Variants in QKI observed in about 807,000 individuals in gnomAD.
QKI encodes the protein KH domain-containing RNA-binding protein QKI.
Under a neutral mutation model 39.0 loss-of-function variants are expected in QKI, and 10 were observed. That is an observed-to-expected ratio of 0.26 (90% confidence interval 0.16 to 0.43). The LOEUF is 0.43. QKI is among the 20% of genes least tolerant of loss of function. The probability of loss-of-function intolerance (pLI) is 1.00; values close to 1 mark genes in which losing one functional copy is unlikely to be tolerated. For missense variants in QKI, 218 were observed against 428.0 expected (o/e 0.51, Z 4.33); for synonymous variants, 204 against 155.4 (o/e 1.31, Z -2.33).
chr6:163,516,124 A>G (rs2128236283), intron 3 of QKI, among the ~76,000 whole-genome samples: 1 of 152,220 alleles, frequency 6.6e-6, no homozygotes, highest in Non-Finnish European at 1.5e-5. Flanking sequence ...TGGGTCCTTC[A>G]TTAATGTCTT....
intron 2 of QKI, among the ~76,000 whole-genome samples, chr6:163,471,740 A>G (rs1022033943): frequency 6.6e-6 from 1 of 152,128 alleles, no homozygotes; most frequent in Non-Finnish European, 1.5e-5. Flanking sequence ...AAAAGAAAAT[A>G]AGTAGAGGAC....
chr6:163,418,762 T>C (rs1787756535), intron 1 of QKI, among the ~76,000 whole-genome samples: 1 of 152,182 alleles, frequency 6.6e-6, no homozygotes, highest in Non-Finnish European at 1.5e-5. Flanking sequence ...AAAACAGACT[T>C]TTCTTGTCAT....
At chr6:163,446,818 G>T (rs866646377) in intron 1 of QKI, among the ~76,000 whole-genome samples, 1 of 152,094 alleles carries the variant, frequency 6.6e-6, no homozygotes, top group Admixed American at 6.6e-5. Context: ...GCTCTGTTCT[G>T]TTCTTTTCAG....
chr6:163,451,727 G>C (rs1790575669), intron 1 of QKI, among the ~76,000 whole-genome samples: 2 of 152,194 alleles, frequency 1.3e-5, no homozygotes, highest in Non-Finnish European at 2.9e-5. Context: ...GTTGAAGGTA[G>C]TGCAGTTGGT....
Position 163,482,990 on chromosome 6 carries a change from G to A in QKI, c.402+4094G>A, listed in dbSNP as rs6936633. On this transcript the variant is annotated intron_variant, in intron 3 of 7. Transcript: ENST00000361752. ...AGCCTTGATCTTGAGACTATCCAGG[G>A]CCCCCACCCATTTGTCACTTCATTA... 3.5e-3 allele frequency among the ~76,000 whole-genome samples: 527 copies of A among 152,086 alleles called. 5 individuals are homozygous for A. The highest frequency in any genetic ancestry group is 0.012 in the African/African-American group (495 of 41,484).
At chr6:163,492,834 C>T (rs1203700434) in intron 3 of QKI, among the ~76,000 whole-genome samples, 1 of 152,042 alleles carries the variant, frequency 6.6e-6, no homozygotes, top group Admixed American at 6.6e-5. Flanking sequence ...AGTGTTACAA[C>T]AGCACATTGT....
In QKI at chr6:163,547,924, T is replaced by C. The variant is rs73784466; in HGVS notation, c.546+12799T>C. ...TCAGTGACTTTCTATCACCCCATGG[T>C]AAAAATGTATGGCATTCATAGCTTA... is the stretch of plus-strand genomic sequence containing the variant. On this transcript the variant is annotated intron_variant, in intron 4 of 7. Transcript: ENST00000361752. 3.4e-3 allele frequency among the ~76,000 whole-genome samples: 516 copies of C among 152,282 alleles called. 4 individuals carry two copies. Among genetic ancestry groups the C allele is most frequent in the African/African-American group, 0.012 (485 of 41,560 alleles).
intron 1 of QKI, among the ~76,000 whole-genome samples, chr6:163,453,107 T>C (rs865974443): frequency 2.2e-4 from 34 of 152,050 alleles, no homozygotes; most frequent in South Asian, 8.3e-4. Context: ...TTTTTTTTTT[T>C]CTAAGTTTGA....
At chr6:163,516,506 G>T (rs896282789) in intron 3 of QKI, among the ~76,000 whole-genome samples, 1 of 152,090 alleles carries the variant, frequency 6.6e-6, no homozygotes, top group Non-Finnish European at 1.5e-5. Context: ...TGTTGGCCAG[G>T]ATGGTCTTGA....
chr6:163,434,586 G>A lies in QKI; in HGVS notation c.142+19251G>A, dbSNP rs531942188. Among the ~76,000 whole-genome samples, 389 of 151,956 alleles carry A rather than the reference G, an allele frequency of 2.6e-3. 3 individuals carry two copies. Among genetic ancestry groups the A allele is most frequent in the African/African-American group, 9.0e-3 (373 of 41,442 alleles). ...AAAAATTAGCCGGGCGTGGTGGTGG[G>A]CGCCTGTAATCCCAGCTACTTGGGA... On this transcript the variant is annotated intron_variant, in intron 1 of 7. Transcript: ENST00000361752.
chr6:163,459,727 T>G (rs972243495), intron 2 of QKI, among the ~76,000 whole-genome samples: 1 of 152,170 alleles, frequency 6.6e-6, no homozygotes, highest in Non-Finnish European at 1.5e-5. Context: ...ACTCTGTGGT[T>G]TTTGTGATTA....
intron 2 of QKI, chr6:163,457,426 T>C: frequency 1.1e-5 from 5 of 456,020 alleles, no homozygotes; most frequent in African/African-American, 4.0e-5. Context: ...ACTGGTGTGT[T>C]GGAGCATGGC....
rs1219962380 is a variant in QKI at position 163,575,926 on chromosome 6, T to G, written c.*5216T>G. 2 of 152,166 alleles carry G rather than the reference T, an allele frequency of 1.3e-5. No homozygotes were observed. The highest frequency in any genetic ancestry group is 1.3e-4 in the Admixed American group (2 of 15,268). 9.4% of individuals were successfully genotyped at this position (152,166 alleles called of 1,614,324 possible). A position where few individuals can be genotyped will look rare whatever the true frequency, so the allele number is the denominator to read the frequency against. On this transcript the variant is annotated 3_prime_UTR_variant, in exon 8 of 8. Transcript: ENST00000361752. ...ACCAGGATGTGATGCCTGTCTTTAT[T>G]CCTTGATAAGAAGTAGCTGTTACAG...
intron 2 of QKI, among the ~76,000 whole-genome samples, chr6:163,457,164 CT>C (rs1403376402): frequency 6.6e-6 from 1 of 152,138 alleles, no homozygotes. Context: ...GATAATGTTT[CT>C]GCAGTGGGCA....
chr6:163,503,733 G>GT lies in QKI; in HGVS notation c.402+24845dup, dbSNP rs541592844. On this transcript the variant is annotated intron_variant, in intron 3 of 7. Coordinates refer to ENST00000361752, the MANE Select transcript of QKI (RefSeq NM_006775.3). Reference sequence around the variant, plus strand: ...ATTTTAATCTTTAATCTGTTTTGAGGTTTTTTTTAAACTGTTATTTTTTGG... The same window carrying GT: ...ATTTTAATCTTTAATCTGTTTTGAGGTTTTTTTTTAAACTGTTATTTTTTGG... 3.2e-3 allele frequency among the ~76,000 whole-genome samples: 490 copies of GT among 151,534 alleles called. 5 individuals are homozygous for GT. Among genetic ancestry groups the GT allele is most frequent in the Non-Finnish European group, 5.9e-3 (402 of 67,802 alleles).
At chr6:163,430,508 T>C (rs1788739582) in intron 1 of QKI, among the ~76,000 whole-genome samples, 1 of 152,146 alleles carries the variant, frequency 6.6e-6, no homozygotes, top group Admixed American at 6.6e-5. Context: ...TGTGTTTCAG[T>C]TTTTTTCTGT....
chr6:163,479,702 G>A (rs1389522365), intron 3 of QKI, among the ~76,000 whole-genome samples: 3 of 152,168 alleles, frequency 2.0e-5, no homozygotes, highest in African/African-American at 7.2e-5. Flanking sequence ...TTTTTACTTA[G>A]CAAATTAAAA....
chr6:163,495,417 A>G (rs1004735242), intron 3 of QKI, among the ~76,000 whole-genome samples: 1 of 152,110 alleles, frequency 6.6e-6, no homozygotes, highest in African/African-American at 2.4e-5. Context: ...GTCTGTATGT[A>G]TGTACATATA....
intron 1 of QKI, among the ~76,000 whole-genome samples, chr6:163,424,319 ACT>A (rs796272063): frequency 7.2e-4 from 110 of 152,238 alleles, no homozygotes; most frequent in African/African-American, 2.6e-3. Context: ...TCAAGTTTTA[ACT>A]CTGTATGTGT....
Sources: gnomAD v4.1 joint callset for allele counts (sites outside exome capture counted in the v4.1 genomes callset) on GRCh38, gnomAD v4.1.1 for gene constraint, MANE v1.5 for transcripts, NCBI Gene and HGNC (gene_info 2026-07-23, HGNC 2026-07-21) for gene names.